The following ZFYVE26 variants were observed in gnomAD, a reference collection of about 807,000 sequenced individuals.
ZFYVE26 encodes zinc finger FYVE domain-containing protein 26.
Under a neutral mutation model 276.5 loss-of-function variants are expected in ZFYVE26, and 181 were observed. The observed-to-expected ratio is 0.65, with a 90% CI of 0.58 to 0.74. The LOEUF (loss-of-function observed/expected upper bound fraction) is 0.74, where lower values mean the gene tolerates loss of function less well. Ranked by LOEUF, ZFYVE26 falls within the 30% of genes least tolerant of loss-of-function variation. ZFYVE26 has a pLI of 0.00. For missense variants in ZFYVE26, 2,821 were observed against 3,097.9 expected (o/e 0.91, Z 2.12); for synonymous variants, 1,129 against 1,203.1 (o/e 0.94, Z 1.27).
At chr14:67,752,588 C>G (rs1223413847) in intron 39 of ZFYVE26, 62 bp from the exon 40 acceptor site, 1 of 1,573,654 alleles carries the variant, frequency 6.4e-7, no homozygotes, top group South Asian at 1.1e-5. Flanking sequence ...GGGAGGGAGG[C>G]AGCATTTAAA....
At chr14:67,769,993 CAT>C (rs1306609453) in intron 28 of ZFYVE26, 7 of 513,238 alleles carry the variant, frequency 1.4e-5, no homozygotes, top group African/African-American at 1.2e-4. Flanking sequence ...ATGGAGGCAA[CAT>C]GTGGAAAAAC....
chr14:67,813,030 A>G (rs977550155), intron 3 of ZFYVE26, among the ~76,000 whole-genome samples: 5 of 152,242 alleles, frequency 3.3e-5, no homozygotes, highest in African/African-American at 7.2e-5. Context: ...TAAGAGATAC[A>G]TTCAGATTAG....
At chr14:67,753,206 G>A (rs2038694012) in intron 39 of ZFYVE26, among the ~76,000 whole-genome samples, 1 of 152,208 alleles carries the variant, frequency 6.6e-6, no homozygotes, top group African/African-American at 2.4e-5. Flanking sequence ...CTGTGTGGTG[G>A]TGGGCAGGTC....
chr14:67,756,398 T>C, intron 35 of ZFYVE26: 1 of 542,044 alleles, frequency 1.8e-6, no homozygotes, highest in Non-Finnish European at 3.3e-6. Flanking sequence ...CCTGTGATTT[T>C]TCTCTTGAAC....
intron 3 of ZFYVE26, 116 bp from the exon 4 acceptor site, chr14:67,809,405 ACTC>A (rs764311735): frequency 3.7e-6 from 2 of 543,088 alleles, no homozygotes. Flanking sequence ...AAGATGAAGC[ACTC>A]TTTTTTTTTT....
intron 13 of ZFYVE26, among the ~76,000 whole-genome samples, chr14:67,738,747 A>G (rs534257230): frequency 2.6e-5 from 4 of 152,340 alleles, no homozygotes; most frequent in African/African-American, 9.6e-5. Context: ...GAATATTCTT[A>G]TATCTTACTT....
chr14:67,760,574 A>G (rs1162055975), intron 35 of ZFYVE26, among the ~76,000 whole-genome samples: 3 of 152,204 alleles, frequency 2.0e-5, no homozygotes, highest in African/African-American at 7.2e-5. Context: ...AGATAAAAAA[A>G]GGAATGTAGC....
At position 67,798,082 on chromosome 14, in the gene ZFYVE26, T is replaced by C. The variant is rs774165141; in HGVS notation, c.2180A>G (p.His727Arg). The change falls in exon 11 of 42, where the codon CAT (histidine) becomes CGT (arginine). Residue 727 changes from histidine to arginine, a missense_variant. His to Arg is a conservative substitution (Grantham distance 29). Coordinates refer to ENST00000347230, the MANE Select transcript of ZFYVE26 (RefSeq NM_015346.4). ...CTCAGAGACAACCTTGGAAAGTCGATGCAGGCGGCTCTGCAGTCCATCTCT... is the reference window on the plus strand; with the variant it reads ...CTCAGAGACAACCTTGGAAAGTCGACGCAGGCGGCTCTGCAGTCCATCTCT... ...GSRDGLQSRL[H>R]RLSKVVSEAQ... The C allele has an allele frequency of 6.2e-7, 1 of 1,614,206 alleles. No individual in the cohort carries two copies. The highest frequency in any genetic ancestry group is 1.1e-5 in the South Asian group (1 of 91,088).
downstream of ZFYVE26, among the ~76,000 whole-genome samples, chr14:67,742,931 C>T (rs1332383214): frequency 9.5e-5 from 14 of 147,932 alleles, no homozygotes; most frequent in South Asian, 2.6e-3. Flanking sequence ...CCTCTAACTC[C>T]TGGGCTCAAG....
intron 37 of ZFYVE26, 42 bp downstream of exon 37, chr14:67,755,009 C>A: frequency 1.9e-6 from 3 of 1,608,276 alleles, no homozygotes; most frequent in Non-Finnish European, 2.6e-6. Context: ...CTGCTCCCAC[C>A]CTTTCTGCCC....
At position 67,793,688 on chromosome 14, in the gene ZFYVE26, G is replaced by A. The variant is rs781372947; in HGVS notation, c.2473C>T (p.Leu825Phe). The change falls in exon 14 of 42, where the codon CTC (leucine) becomes TTC (phenylalanine). Residue 825 changes from leucine (L) to phenylalanine (F), a missense_variant. By Grantham distance (22) the Leu-to-Phe change is conservative. Transcript: ENST00000347230. ...GGTGGGGAGAACATCATGGGGATGA[G>A]TGAACTTTGAGGATGGGGGTGCAAT... ...SRLHPHPQSSLIPMMFSPPES... is the reference protein window; with the variant it reads ...SRLHPHPQSSFIPMMFSPPES... 1 of 1,613,950 alleles carries A rather than the reference G, an allele frequency of 6.2e-7. No individual in the cohort carries two copies. The highest frequency in any genetic ancestry group is 1.1e-5 in the South Asian group (1 of 91,068).
chr14:67,793,147 C>T (rs555504756), intron 14 of ZFYVE26, among the ~76,000 whole-genome samples: 3 of 152,006 alleles, frequency 2.0e-5, no homozygotes, highest in South Asian at 4.2e-4. Flanking sequence ...ATCCCAGCTG[C>T]TTGGGAGGCT....
At chr14:67,790,548 A>G (rs778506892) in intron 15 of ZFYVE26, 24 bp downstream of exon 15, 12 of 1,611,564 alleles carry the variant, frequency 7.4e-6, no homozygotes, top group Admixed American at 1.7e-5. Context: ...CTCACCACTT[A>G]TGGTGTTAGC....
intron 3 of ZFYVE26, 34 bp from the exon 4 acceptor site, chr14:67,809,323 A>G: frequency 6.7e-7 from 1 of 1,494,738 alleles, no homozygotes; most frequent in Non-Finnish European, 9.3e-7. Context: ...CATAGAGATG[A>G]GATATATGTT....
At position 67,809,302 on chromosome 14, in the gene ZFYVE26, A is replaced by C. The variant is rs1221565167; in HGVS notation, c.274-13T>G. 6.3e-7 allele frequency: 1 copy of C among 1,592,142 alleles called. No individual in the cohort carries two copies. The highest frequency in any genetic ancestry group is 1.7e-5 in the Admixed American group (1 of 59,980). ...CTGGGAGTAACTTCTAGAAGAATCAAAAGAATGAAGCATAGAGATGAGATA... is the reference window on the plus strand; with the variant it reads ...CTGGGAGTAACTTCTAGAAGAATCACAAGAATGAAGCATAGAGATGAGATA... On this transcript the variant is annotated splice_polypyrimidine_tract_variant and intron_variant, in intron 3 of 41. Transcript: ENST00000347230.
At chr14:67,750,022 G>A (rs923410100) in intron 41 of ZFYVE26, among the ~76,000 whole-genome samples, 12 of 152,198 alleles carry the variant, frequency 7.9e-5, no homozygotes, top group East Asian at 1.9e-4. Context: ...ATTTTAGAGC[G>A]TGTCTTTCCC....
chr14:67,765,585 T>A (rs1594894820), intron 32 of ZFYVE26, among the ~76,000 whole-genome samples: 1 of 152,150 alleles, frequency 6.6e-6, no homozygotes, highest in African/African-American at 2.4e-5. Context: ...GAACACACAA[T>A]CTGAGTCACA....
intron 23 of ZFYVE26, among the ~76,000 whole-genome samples, chr14:67,779,537 G>T (rs910886451): frequency 3.3e-5 from 5 of 152,086 alleles, no homozygotes; most frequent in African/African-American, 1.2e-4. Context: ...ACTCCAGCCT[G>T]GGTGAAATAG....
At chr14:67,766,842 G>A (rs534603044) in intron 31 of ZFYVE26, among the ~76,000 whole-genome samples, 1 of 152,234 alleles carries the variant, frequency 6.6e-6, no homozygotes, top group African/African-American at 2.4e-5. Context: ...GGGGACCACA[G>A]CTTTGTGCCA....
Sources: allele counts gnomAD v4.1 joint callset (sites outside exome capture counted in the v4.1 genomes callset), GRCh38; gene constraint gnomAD v4.1.1; transcripts MANE v1.5; gene names NCBI Gene and HGNC (gene_info 2026-07-23, HGNC 2026-07-21).